The following PDE4D variants were observed in gnomAD, a reference collection of about 807,000 sequenced individuals.
PDE4D encodes the protein phosphodiesterase 4D, also known as 3',5'-cyclic-AMP phosphodiesterase 4D.
PDE4D carries 24 observed loss-of-function variants against 87.4 expected under a neutral mutation model. The observed-to-expected ratio is 0.27, with a 90% CI of 0.20 to 0.39. The LOEUF is 0.39. PDE4D is among the 10% of genes least tolerant of loss of function. PDE4D has a pLI of 1.00. For synonymous variants in PDE4D, 384 were observed against 383.2 expected, an observed-to-expected ratio of 1.00 and a Z score of -0.02; for missense variants, 714 against 1,041.0, an observed-to-expected ratio of 0.69 and a Z score of 4.32.
chr5:59,231,853 C>T (rs891885619), intron 1 of PDE4D, among the ~76,000 whole-genome samples: 1 of 152,154 alleles, frequency 6.6e-6, no homozygotes, highest in African/African-American at 2.4e-5. Context: ...TTTCTCATTA[C>T]CTAAGTGCTT....
chr5:60,447,615 G>C (rs1745748041), intron 1 of PDE4D, among the ~76,000 whole-genome samples: 1 of 152,020 alleles, frequency 6.6e-6, no homozygotes. Flanking sequence ...TATCTCAAAG[G>C]TCACAGATCT....
intron 1 of PDE4D, among the ~76,000 whole-genome samples, chr5:59,425,431 A>G (rs1795049733): frequency 6.6e-6 from 1 of 152,062 alleles, no homozygotes; most frequent in Non-Finnish European, 1.5e-5. Flanking sequence ...CCTATTCTTT[A>G]CCTACTTGAA....
chr5:60,105,748 T>C (rs1776818205), intron 2 of PDE4D, among the ~76,000 whole-genome samples: 1 of 152,134 alleles, frequency 6.6e-6, no homozygotes, highest in Non-Finnish European at 1.5e-5. Flanking sequence ...CAGAATTTCA[T>C]ATCCAGCCAA....
intron 1 of PDE4D, among the ~76,000 whole-genome samples, chr5:59,244,113 G>A (rs550323525): frequency 5.3e-4 from 80 of 152,020 alleles, no homozygotes; most frequent in Admixed American, 2.4e-3. Context: ...AATGTCAAGC[G>A]AAGAATGCAG....
intron 6 of PDE4D, among the ~76,000 whole-genome samples, chr5:59,024,507 T>C (rs191411291): frequency 6.6e-6 from 1 of 152,316 alleles, no homozygotes; most frequent in East Asian, 1.9e-4. Flanking sequence ...GCTGAAATTC[T>C]ACTTTTGAAA....
chr5:59,677,177 A>G (rs956801243), intron 1 of PDE4D, among the ~76,000 whole-genome samples: 2 of 152,102 alleles, frequency 1.3e-5, no homozygotes, highest in Non-Finnish European at 2.9e-5. Flanking sequence ...ACAGAAAACC[A>G]TAGTTAAAAT....
intron 2 of PDE4D, among the ~76,000 whole-genome samples, chr5:60,131,277 G>A (rs1289002215): frequency 5.6e-4 from 85 of 152,294 alleles, no homozygotes; most frequent in Admixed American, 5.6e-3. Flanking sequence ...GCTGAGAACA[G>A]ATGTGGTAAG....
At chr5:59,793,124 G>A (rs1260084465) in intron 1 of PDE4D, among the ~76,000 whole-genome samples, 1 of 152,198 alleles carries the variant, frequency 6.6e-6, no homozygotes, top group Non-Finnish European at 1.5e-5. Context: ...TCCCCGAGGA[G>A]CCTGAGTGAG....
At chr5:59,182,357 T>C (rs1393021295) in intron 4 of PDE4D, among the ~76,000 whole-genome samples, 1 of 151,848 alleles carries the variant, frequency 6.6e-6, no homozygotes, top group Non-Finnish European at 1.5e-5. Flanking sequence ...TCCTGAGCTC[T>C]AGTGATTCCC....
Position 59,742,032 on chromosome 5 carries a change from TATC to T in PDE4D, c.455+151133_455+151135del, listed in dbSNP as rs747642922. Among the ~76,000 whole-genome samples, 36 of 151,952 alleles carry T rather than the reference TATC, an allele frequency of 2.4e-4. 1 individual carries two copies. Among genetic ancestry groups the T allele is most frequent in the Admixed American group, 1.6e-3 (25 of 15,242 alleles). ...TACTGTTGTTGTTACTGATATCAAT[TATC>T]ATCATCATCATCATCATCATCTTCT... On this transcript the variant is annotated intron_variant, in intron 1 of 14. Transcript: ENST00000340635.
chr5:59,871,194 G>C (rs1473792971), intron 1 of PDE4D, among the ~76,000 whole-genome samples: 1 of 152,154 alleles, frequency 6.6e-6, no homozygotes, highest in Non-Finnish European at 1.5e-5. Flanking sequence ...TTCAGGGTTG[G>C]TCTGGTCTAA....
chr5:60,184,885 TTGCTTGATGGAAATTAATAGTC>T (rs1275851907), intron 2 of PDE4D, among the ~76,000 whole-genome samples: 1 of 152,204 alleles, frequency 6.6e-6, no homozygotes, highest in African/African-American at 2.4e-5. Flanking sequence ...TTCTTAGCGC[TTGCTTGATGGAAATTAATAGTC>T]TGCTTTCATC....
chr5:59,479,454 G>A (rs181516512), intron 1 of PDE4D, among the ~76,000 whole-genome samples: 13 of 152,118 alleles, frequency 8.5e-5, no homozygotes, highest in Admixed American at 7.2e-4. Flanking sequence ...GAAATCATAC[G>A]TATTTTCTAT....
At chr5:59,168,676 GAA>G (rs1300471814) in intron 5 of PDE4D, among the ~76,000 whole-genome samples, 1 of 151,288 alleles carries the variant, frequency 6.6e-6, no homozygotes, top group African/African-American at 2.4e-5. Context: ...AAAAGAAAAA[GAA>G]AGAGAGAGAG....
At chr5:59,766,642 C>T (rs1762833093) in intron 1 of PDE4D, among the ~76,000 whole-genome samples, 1 of 152,232 alleles carries the variant, frequency 6.6e-6, no homozygotes, top group Non-Finnish European at 1.5e-5. Context: ...GGACACTGGA[C>T]ACGGAAATTC....
intron 1 of PDE4D, among the ~76,000 whole-genome samples, chr5:60,274,006 T>C (rs1351192637): frequency 6.6e-6 from 1 of 152,172 alleles, no homozygotes; most frequent in Non-Finnish European, 1.5e-5. Flanking sequence ...GACATTGGTC[T>C]CAGGGCATCA....
At chr5:60,101,237 T>C (rs1274292263) in intron 2 of PDE4D, among the ~76,000 whole-genome samples, 1 of 152,010 alleles carries the variant, frequency 6.6e-6, no homozygotes, top group Non-Finnish European at 1.5e-5. Flanking sequence ...CCTAGAGAAA[T>C]GAAATGAATG....
At chr5:59,768,556 G>A (rs375881044) in intron 1 of PDE4D, 1 of 1,590,318 alleles carries the variant, frequency 6.3e-7, no homozygotes, top group East Asian at 2.2e-5. Context: ...GGGCAACGTG[G>A]TTCCCTCGCT....
intron 6 of PDE4D, among the ~76,000 whole-genome samples, chr5:59,027,274 T>C (rs1029717719): frequency 1.3e-5 from 2 of 152,188 alleles, no homozygotes; most frequent in African/African-American, 4.8e-5. Context: ...TCAGATCATA[T>C]CGAGGGTACA....
Sources: allele counts gnomAD v4.1 joint callset (sites outside exome capture counted in the v4.1 genomes callset), GRCh38; gene constraint gnomAD v4.1.1; transcripts MANE v1.5; gene names NCBI Gene and HGNC (gene_info 2026-07-23, HGNC 2026-07-21).